Variants in CCDC63 observed in about 807,000 individuals in gnomAD.
The protein encoded by CCDC63 is coiled-coil domain containing 63.
In CCDC63, 54 loss-of-function variants were observed where a neutral mutation model predicts 63.6. The observed-to-expected ratio is 0.85, with a 90% CI of 0.68 to 1.07. The LOEUF is 1.07. CCDC63 is among the 50% of genes least tolerant of loss of function. The pLI is 0.00. For missense variants in CCDC63, 637 were observed against 689.6 expected (o/e 0.92, Z 0.86); for synonymous variants, 253 against 266.1 (o/e 0.95, Z 0.48).
intron 3 of CCDC63, among the ~76,000 whole-genome samples, chr12:110,854,564 G>A (rs1593636871): frequency 6.6e-6 from 1 of 152,010 alleles, no homozygotes; most frequent in East Asian, 1.9e-4. Context: ...TAAAGTGCTG[G>A]GATTACAGGT....
intron 5 of CCDC63, among the ~76,000 whole-genome samples, chr12:110,874,181 T>A (rs546528610): frequency 6.6e-6 from 1 of 151,896 alleles, no homozygotes; most frequent in East Asian, 2.0e-4. Context: ...TCCCCCAACC[T>A]ATCTGGGATG....
chr12:110,847,848 C>T (rs1037042414), intron 1 of CCDC63, among the ~76,000 whole-genome samples: 1 of 152,174 alleles, frequency 6.6e-6, no homozygotes, highest in African/African-American at 2.4e-5. Flanking sequence ...AATTCAGAAG[C>T]AGATGAGGTG....
chr12:110,898,164 C>T (rs917213204), intron 9 of CCDC63, among the ~76,000 whole-genome samples: 5 of 151,772 alleles, frequency 3.3e-5, no homozygotes, highest in African/African-American at 1.2e-4. Flanking sequence ...TGCCTGTAGT[C>T]CCAGCTACTC....
intron 3 of CCDC63, among the ~76,000 whole-genome samples, chr12:110,855,687 T>C (rs1488336761): frequency 6.6e-6 from 1 of 152,172 alleles, no homozygotes; most frequent in African/African-American, 2.4e-5. Flanking sequence ...GTTCATGCAA[T>C]TCTCCTGCCT....
rs775590151 is a variant in CCDC63, at chr12:110,881,090, C to T, written c.672-25C>T. 8.3e-6 allele frequency: 13 copies of T among 1,571,380 alleles called. No homozygotes were observed. The East Asian group carries it at 2.1e-4, about 25-fold the overall frequency. Reference sequence around the variant, plus strand: ...GTAGAGAGGAGGAGCCTCAGATGCTCAGGCTCTGTACTCCCTTTGCCCAGG... The same window carrying T: ...GTAGAGAGGAGGAGCCTCAGATGCTTAGGCTCTGTACTCCCTTTGCCCAGG... On this transcript the variant is annotated intron_variant, in intron 6 of 11. Coordinates refer to ENST00000308208, the MANE Select transcript of CCDC63 (RefSeq NM_152591.3).
At chr12:110,876,244 ACAAT>A (rs2071128745) in intron 5 of CCDC63, among the ~76,000 whole-genome samples, 1 of 134,792 alleles carries the variant, frequency 7.4e-6, no homozygotes, top group Non-Finnish European at 1.6e-5. Context: ...TTTCCCCCCC[ACAAT>A]CAGAGGATAG....
chr12:110,905,891 ATAT>A lies in CCDC63; in HGVS notation c.1546+1104_1546+1106del, dbSNP rs1355893805. On this transcript the variant is annotated intron_variant, in intron 11 of 11. Coordinates refer to ENST00000308208, the MANE Select transcript of CCDC63 (RefSeq NM_152591.3). ...ATATATGTGTGTGTGTATATATATA[ATAT>A]TATATATAATATATATTATATTATA... Among the ~76,000 whole-genome samples, 15 of 48,008 alleles carry A rather than the reference ATAT, an allele frequency of 3.1e-4. 1 individual carries two copies. The highest frequency in any genetic ancestry group is 1.4e-3 in the African/African-American group (15 of 11,056). The allele number at this position is 48,008 out of a possible 152,430, so 31.5% of individuals were successfully genotyped here. A position where few individuals can be genotyped will look rare whatever the true frequency, so the allele number is the denominator to read the frequency against.
At position 110,865,484 on chromosome 12, in the gene CCDC63, A is replaced by G. The variant is rs940709906; in HGVS notation, c.369+6709A>G. On this transcript the variant is annotated intron_variant, in intron 4 of 11. Transcript: ENST00000308208. ...TATACCAAAAAAAAAAAAAAAAAAG[A>G]AAAAAGAAAAAGAAGAGACAAAGAA... Among the ~76,000 whole-genome samples, 4 of 142,376 alleles carry G rather than the reference A, an allele frequency of 2.8e-5. 1 individual carries two copies. Among genetic ancestry groups the G allele is most frequent in the Non-Finnish European group, 6.2e-5 (4 of 64,138 alleles). 93.4% of individuals were successfully genotyped at this position (142,376 alleles called of 152,430 possible). A position where few individuals can be genotyped will look rare whatever the true frequency, so the allele number is the denominator to read the frequency against.
In CCDC63 at chr12:110,907,342, C is replaced by G. The variant is rs1342137692; in HGVS notation, c.1558C>G (p.Leu520Val). 6.2e-7 allele frequency: 1 copy of G among 1,613,770 alleles called. No homozygotes were observed. Residue 520 changes from leucine to valine, a missense_variant, in exon 12 of 12, where the codon CTG becomes GTG. Leu to Val is a conservative substitution (Grantham distance 32). Transcript: ENST00000308208. This position sits in a 1 kb window ranked among gnomAD's most constrained non-coding sequence, Gnocchi z 4.4. Reference sequence around the variant, plus strand: ...TGATCTTGGTGCAGTGGAACAGCCCCTGGACCACAGCAGCCTTCGGCAGCT... The same window carrying G: ...TGATCTTGGTGCAGTGGAACAGCCCGTGGACCACAGCAGCCTTCGGCAGCT... ...SDRLDDVEQP[L>V]DHSSLRQLVL...
intron 4 of CCDC63, among the ~76,000 whole-genome samples, chr12:110,863,263 CGT>C (rs34959062): frequency 0.027 from 3,999 of 148,858 alleles, 117 homozygotes; most frequent in African/African-American, 0.071. Context: ...GTGACACACA[CGT>C]GTGTGTGTGT....
intron 4 of CCDC63, among the ~76,000 whole-genome samples, chr12:110,861,981 C>G (rs1399519860): frequency 2.0e-5 from 3 of 152,104 alleles, no homozygotes; most frequent in Non-Finnish European, 4.4e-5. Context: ...CTTGACGCCC[C>G]CTTCGTGGCT....
chr12:110,888,657 G>GGA (rs2071315117), intron 8 of CCDC63, among the ~76,000 whole-genome samples: 1 of 152,180 alleles, frequency 6.6e-6, no homozygotes. Context: ...TATGCTCACT[G>GGA]TAGAGAATCT....
rs1290640380 is a variant in CCDC63, at chr12:110,907,243, C to G, written c.1547-88C>G. ...CTGAGAATTTCCATGCTCCACTCCC[C>G]AGTGCTATGGAGGGACGCCAAACCA... On this transcript the variant is annotated intron_variant, in intron 11 of 11. Transcript: ENST00000308208. The surrounding 1 kb of genome is among the most constrained non-coding windows in gnomAD (Gnocchi z 4.4). 7.6e-7 allele frequency: 1 copy of G among 1,310,320 alleles called. No homozygotes were observed. Among genetic ancestry groups the G allele is most frequent in the East Asian group, 2.4e-5 (1 of 42,328 alleles). The allele number at this position is 1,310,320 out of a possible 1,614,324, so 81.2% of individuals were successfully genotyped here.
At chr12:110,888,764 C>A (rs2071316278) in intron 8 of CCDC63, among the ~76,000 whole-genome samples, 3 of 151,774 alleles carry the variant, frequency 2.0e-5, no homozygotes, top group African/African-American at 7.3e-5. Context: ...CTTCCAACTT[C>A]CAACTTTTTT....
In CCDC63 at chr12:110,907,206, C is replaced by T; in HGVS notation, c.1547-125C>T. On this transcript the variant is annotated intron_variant, in intron 11 of 11. Transcript: ENST00000308208. The surrounding 1 kb of genome is among the most constrained non-coding windows in gnomAD (Gnocchi z 4.4). The stretch of plus-strand genomic sequence containing the variant: ...GAAGTATATTTCTGTTCATTCTCCC[C>T]CTCCTTGAAACCTGAGAATTTCCAT... The T allele has an allele frequency of 1.2e-6, 1 of 858,756 alleles. No individual in the cohort carries two copies. Among genetic ancestry groups the T allele is most frequent in the Non-Finnish European group, 1.7e-6 (1 of 572,246 alleles). 53.2% of individuals were successfully genotyped at this position (858,756 alleles called of 1,614,324 possible).
At chr12:110,845,178 C>T (rs747718006), upstream of CCDC63, among the ~76,000 whole-genome samples, 18 of 152,290 alleles carry the variant, frequency 1.2e-4, no homozygotes, top group Admixed American at 2.6e-4. Flanking sequence ...GTAAATTCGT[C>T]GGAGGAAGGT....
chr12:110,904,857 C>A, intron 11 of CCDC63, 66 bp downstream of exon 11: 2 of 1,339,640 alleles, frequency 1.5e-6, no homozygotes, highest in Non-Finnish European at 2.0e-6. Context: ...TCTGGGGAGA[C>A]CGTGTCCAGG....
chr12:110,904,928 T>C (rs2071540079), intron 11 of CCDC63, 137 bp downstream of exon 11: 2 of 594,984 alleles, frequency 3.4e-6, no homozygotes, highest in Non-Finnish European at 5.5e-6. Context: ...TCTTGTGGCC[T>C]GCCAGTTCCC....
At chr12:110,846,257 C>A (rs575197890), upstream of CCDC63, among the ~76,000 whole-genome samples, 3 of 152,276 alleles carry the variant, frequency 2.0e-5, no homozygotes, top group East Asian at 1.9e-4. Context: ...AAAACAGGTA[C>A]CCCCAATAAT....
Sources: allele counts gnomAD v4.1 joint callset (sites outside exome capture counted in the v4.1 genomes callset), GRCh38; gene constraint gnomAD v4.1.1; non-coding constraint Gnocchi (gnomAD v3.1); transcripts MANE v1.5; gene names NCBI Gene and HGNC (gene_info 2026-07-23, HGNC 2026-07-21).